MGAM: variants seen among roughly 807,000 people sequenced by gnomAD.
MGAM encodes maltase-glucoamylase, also known as alpha-1,4-glucosidase.
Under a neutral mutation model 358.8 loss-of-function variants are expected in MGAM, and 253 were observed. The observed-to-expected ratio is 0.71, with a 90% CI of 0.64 to 0.78. MGAM has a LOEUF of 0.78. Among genes scored for constraint, MGAM ranks in the 30% least tolerant of loss-of-function variants. The probability of loss-of-function intolerance (pLI) is 0.00; values close to 1 mark genes in which losing one functional copy is unlikely to be tolerated. For missense variants in MGAM, 3,080 were observed against 3,432.6 expected (o/e 0.90, Z 2.57); for synonymous variants, 1,105 against 1,227.1 (o/e 0.90, Z 2.08).
At chr7:141,994,343 C>T (rs1166830802), upstream of MGAM, among the ~76,000 whole-genome samples, 1 of 152,160 alleles carries the variant, frequency 6.6e-6, no homozygotes, top group East Asian at 1.9e-4. Context: ...TCTCAATCCC[C>T]TCTCCCTCAG....
At chr7:142,046,083 TA>T (rs1326834280) in intron 21 of MGAM, among the ~76,000 whole-genome samples, 1 of 143,064 alleles carries the variant, frequency 7.0e-6, no homozygotes, top group Non-Finnish European at 1.5e-5. Flanking sequence ...TATAGAAATT[TA>T]TATGTGTAAT....
In MGAM at chr7:142,082,496, G is replaced by T; in HGVS notation, c.6193G>T (p.Val2065Phe). 6.5e-7 allele frequency: 1 copy of T among 1,532,896 alleles called. No individual in the cohort carries two copies. Among genetic ancestry groups the T allele is most frequent in the Non-Finnish European group, 8.9e-7 (1 of 1,120,064 alleles). 95.0% of individuals were successfully genotyped at this position (1,532,896 alleles called of 1,614,324 possible). ...PPGYKKNSYG[V>F]HPYYMGLEED... ...CCAGTACAAGAAGAATTCCTATGGT[G>T]TCCACCCCTACTACATGGGGCTAGA... The change falls in exon 52 of 71, where the codon GTC becomes TTC. Residue 2065 changes from valine to phenylalanine, a missense_variant. Physicochemically the swap from Val to Phe is conservative, Grantham distance 50 (BLOSUM62 -1). Transcript: ENST00000475668.
Position 142,093,087 on chromosome 7 carries a change from A to G in MGAM, c.7034-325A>G, listed in dbSNP as rs1326047522. Among the ~76,000 whole-genome samples the G allele has an allele frequency of 8.2e-5, 12 of 146,556 alleles. No individual in the cohort carries two copies. In the Admixed American group the frequency reaches 8.2e-4, roughly 10 times the overall value. On this transcript the variant is annotated intron_variant, in intron 59 of 70. Coordinates refer to ENST00000475668, the MANE Select transcript of MGAM (RefSeq NM_001365693.1). The stretch of plus-strand genomic sequence containing the variant: ...CCAAATCTCAGTCTGCTAAACTGTA[A>G]AAGACAGGTAATGAGATCTTCTTCA...
upstream of MGAM, among the ~76,000 whole-genome samples, chr7:141,991,948 C>A (rs1023470507): frequency 6.6e-6 from 1 of 152,162 alleles, no homozygotes; most frequent in Non-Finnish European, 1.5e-5. Context: ...TAAACTGCTA[C>A]AGTCAGGCAA....
intron 21 of MGAM, among the ~76,000 whole-genome samples, chr7:142,042,490 CATAT>C (rs1491311878): frequency 2.8e-4 from 1 of 3,614 alleles, no homozygotes; most frequent in Non-Finnish European, 4.1e-4. Flanking sequence ...ATATTATATA[CATAT>C]ATATAATATA....
Position 142,052,294 on chromosome 7 carries a change from G to T in MGAM, c.2806G>T (p.Val936Phe), listed in dbSNP as rs751889879. ...CCTTATGATTTCCACATTCCTACAGGTTGCCATTATCACAGATATTGATCT... is the reference window on the plus strand; with the variant it reads ...CCTTATGATTTCCACATTCCTACAGTTTGCCATTATCACAGATATTGATCT... The part of the protein sequence containing the change: ...PTVTYDSNLK[V>F]AIITDIDLLL... Residue 936 changes from valine (V) to phenylalanine (F), a missense_variant and splice_region_variant, in exon 25 of 71, where the codon GTT becomes TTT. Physicochemically the swap from Val to Phe is conservative, Grantham distance 50 (BLOSUM62 -1). This residue lies in a region of MGAM where 1,816 missense variants were observed against 1,840.5 expected (regional missense o/e 0.99). Coordinates refer to ENST00000475668, the MANE Select transcript of MGAM (RefSeq NM_001365693.1). 1 of 1,601,944 alleles carries T rather than the reference G, an allele frequency of 6.2e-7. No individual in the cohort carries two copies. Among genetic ancestry groups the T allele is most frequent in the South Asian group, 1.1e-5 (1 of 88,948 alleles).
In MGAM at chr7:142,078,824, G is replaced by A. The variant is rs1332771050; in HGVS notation, c.5663G>A (p.Gly1888Glu). The change falls in exon 49 of 71, where the codon GGA (glycine) becomes GAA (glutamate). Residue 1888 changes from glycine (G) to glutamate (E), a missense_variant. By Grantham distance (98) the Gly-to-Glu change is moderately conservative. Transcript: ENST00000475668. Reference sequence around the variant, plus strand: ...ACTTTTCAGGCATCCAATTCTTCTGGAGTCCCTTTTTGCTATTTTGTCAAC... The same window carrying A: ...ACTTTTCAGGCATCCAATTCTTCTGAAGTCCCTTTTTGCTATTTTGTCAAC... Reference protein sequence around the residue: ...GCIWEASNSSGVPFCYFVNDL... With the variant: ...GCIWEASNSSEVPFCYFVNDL... The A allele has an allele frequency of 5.1e-5, 80 of 1,554,564 alleles. 16 individuals carry two copies. Among genetic ancestry groups the A allele is most frequent in the Non-Finnish European group, 7.1e-5 (80 of 1,131,540 alleles).
intron 3 of MGAM, among the ~76,000 whole-genome samples, chr7:142,014,192 A>G (rs1216258665): frequency 6.6e-6 from 1 of 152,242 alleles, no homozygotes; most frequent in African/African-American, 2.4e-5. Flanking sequence ...AGAATATAGT[A>G]AAATGTGTTT....
rs1259548903 is a variant in MGAM at position 142,031,733 on chromosome 7, T to G, written c.1524T>G (p.Val508=). 3 of 1,613,406 alleles carry G rather than the reference T, an allele frequency of 1.9e-6. No homozygotes were observed. In the Admixed American group the frequency reaches 5.0e-5, roughly 27 times the overall value. The change falls in exon 13 of 71, where the codon GTT becomes GTG. Residue 508 remains valine, a synonymous_variant. Transcript: ENST00000475668. Reference sequence around the variant, plus strand: ...ATTATACCAATCCCAACTGTGCTGTTTGGTGGACAAAGGAATTTGAGCTTT... The same window carrying G: ...ATTATACCAATCCCAACTGTGCTGTGTGGTGGACAAAGGAATTTGAGCTTT... The part of the protein sequence containing the change: ...FPDYTNPNCA[V]WWTKEFELFH...
At chr7:142,037,057 A>C in intron 18 of MGAM, 80 bp downstream of exon 18, 1 of 1,414,744 alleles carries the variant, frequency 7.1e-7, no homozygotes, top group South Asian at 1.3e-5. Flanking sequence ...CAGAGTGAAA[A>C]CTGAAACAAT....
chr7:141,987,602 G>A (rs1803771385), intron 2 of MGAM, among the ~76,000 whole-genome samples: 1 of 151,962 alleles, frequency 6.6e-6, no homozygotes, highest in Non-Finnish European at 1.5e-5. Flanking sequence ...CAGGGGAGGG[G>A]GGCATGGAGG....
At chr7:142,030,901 T>C in intron 12 of MGAM, 144 bp downstream of exon 12, 1 of 642,562 alleles carries the variant, frequency 1.6e-6, no homozygotes, top group Non-Finnish European at 2.7e-6. Context: ...TAAATTCTCC[T>C]CTGCCCTTTC....
In MGAM at chr7:142,088,668, A is replaced by ATCTG. The variant is rs1242515710; in HGVS notation, c.6810+1954_6810+1955insGTCT. ...TTTCTATCTGTCTGTCTATCTATCTATCTATCTATCTATCTATCTATCTAT... is the reference window on the plus strand; with the variant it reads ...TTTCTATCTGTCTGTCTATCTATCTATCTGTCTATCTATCTATCTATCTATCTAT... On this transcript the variant is annotated intron_variant, in intron 57 of 70. Transcript: ENST00000475668. Among the ~76,000 whole-genome samples the ATCTG allele has an allele frequency of 6.6e-5, 9 of 136,262 alleles. 1 individual carries two copies. The highest frequency in any genetic ancestry group is 2.3e-4 in the African/African-American group (9 of 38,376). 89.4% of individuals were successfully genotyped at this position (136,262 alleles called of 152,430 possible).
In MGAM at chr7:142,059,695, T is replaced by C. The variant is rs982347786; in HGVS notation, c.3948+95T>C. 5.9e-5 allele frequency: 93 copies of C among 1,584,628 alleles called. 2 individuals are homozygous for C. In the South Asian group the frequency reaches 5.9e-4, roughly 10 times the overall value. ...ACTTTATTTCCATGTTGCAAGTAGA[T>C]AAATTGAAGTGCAGTAAGAAAGGTG... On this transcript the variant is annotated intron_variant, in intron 32 of 70. Transcript: ENST00000475668.
In MGAM at chr7:142,080,887, C is replaced by T. The variant is rs1438113274; in HGVS notation, c.5944C>T (p.Leu1982Phe). 6.4e-7 allele frequency: 1 copy of T among 1,556,478 alleles called. No individual in the cohort carries two copies. The highest frequency in any genetic ancestry group is 2.3e-5 in the East Asian group (1 of 43,930). ...CCCTGAGGGTCAACTCTATGATGTC[C>T]TCATTAAGAAGAATCCATTTGGGAT... ...STPEGQLYDV[L>F]IKKNPFGIEI... Residue 1982 changes from leucine (L) to phenylalanine (F), a missense_variant, in exon 50 of 71, where the codon CTC becomes TTC. This residue lies in a region of MGAM where 932 missense variants were observed against 1,198.2 expected (regional missense o/e 0.78). Transcript: ENST00000475668.
At chr7:142,005,384 C>G (rs1554451997) in intron 1 of MGAM, 145 bp from the exon 2 acceptor site, 1 of 568,816 alleles carries the variant, frequency 1.8e-6, no homozygotes, top group East Asian at 3.4e-5. Context: ...TGGCCATGAG[C>G]TGATAATTTT....
At chr7:141,990,394 T>G (rs1351543179) in intron 2 of MGAM, among the ~76,000 whole-genome samples, 2 of 152,188 alleles carry the variant, frequency 1.3e-5, no homozygotes, top group African/African-American at 4.8e-5. Flanking sequence ...AGAAGTAATA[T>G]TCTTCTGGAC....
At chr7:142,081,652 T>C (rs1412881143) in intron 50 of MGAM, among the ~76,000 whole-genome samples, 2 of 145,932 alleles carry the variant, frequency 1.4e-5, no homozygotes, top group African/African-American at 4.9e-5. Flanking sequence ...TGAGAAGCCA[T>C]GGAAGAAGCA....
chr7:142,048,115 T>A lies in MGAM; in HGVS notation c.2587+242T>A, dbSNP rs66603119. ...TGGACAGTGATATCTATAATAGGCT[T>A]TTTATTTATTTATTTATTTATTTAT... On this transcript the variant is annotated intron_variant, in intron 22 of 70. Coordinates refer to ENST00000475668, the MANE Select transcript of MGAM (RefSeq NM_001365693.1). Among the ~76,000 whole-genome samples the A allele has an allele frequency of 2.6e-4, 27 of 102,520 alleles. 1 individual carries two copies. The highest frequency in any genetic ancestry group is 5.1e-4 in the African/African-American group (17 of 33,416). The allele number at this position is 102,520 out of a possible 152,430, so 67.3% of individuals were successfully genotyped here.
Sources: allele counts gnomAD v4.1 joint callset (sites outside exome capture counted in the v4.1 genomes callset), GRCh38; gene constraint gnomAD v4.1.1; regional missense constraint gnomAD v4.1.1; transcripts MANE v1.5; gene names NCBI Gene and HGNC (gene_info 2026-07-23, HGNC 2026-07-21).